Variants in PTPA observed in about 807,000 individuals in gnomAD.
PTPA encodes the protein protein phosphatase 2 phosphatase activator.
Under a neutral mutation model 43.6 loss-of-function variants are expected in PTPA, and 13 were observed. The observed-to-expected ratio is 0.30, with a 90% CI of 0.19 to 0.47. PTPA has a LOEUF of 0.47. Among genes scored for constraint, PTPA ranks in the 20% least tolerant of loss-of-function variants. PTPA has a pLI of 0.99. For missense variants in PTPA, 329 were observed against 411.9 expected (o/e 0.80, Z 1.74); for synonymous variants, 172 against 158.2 (o/e 1.09, Z -0.66).
chr9:129,111,372 C>T, upstream of PTPA: 2 of 1,223,334 alleles, frequency 1.6e-6, no homozygotes, highest in Non-Finnish European at 2.0e-6. Context: ...CGCGCGTCCG[C>T]CGCGCGCCGG....
intron 3 of PTPA, among the ~76,000 whole-genome samples, chr9:129,125,975 C>T (rs896815002): frequency 5.9e-5 from 9 of 151,810 alleles, no homozygotes; most frequent in Admixed American, 2.0e-4. Flanking sequence ...GGTGGAACCC[C>T]GTCTCTACTA....
At chr9:129,137,528 G>A (rs1376317291) in intron 7 of PTPA, 64 bp from the exon 8 acceptor site, 9 of 1,362,488 alleles carry the variant, frequency 6.6e-6, no homozygotes, top group Non-Finnish European at 8.2e-6. Context: ...GTGACTGCTG[G>A]GCCGGGTTGC....
intron 3 of PTPA, among the ~76,000 whole-genome samples, chr9:129,126,827 C>T (rs1044161149): frequency 4.6e-5 from 7 of 152,164 alleles, no homozygotes; most frequent in African/African-American, 1.7e-4. Flanking sequence ...AAGCCCTCTC[C>T]TGAAGAGGAG....
chr9:129,123,875 G>C (rs1044751169), intron 3 of PTPA, among the ~76,000 whole-genome samples: 1 of 151,954 alleles, frequency 6.6e-6, no homozygotes, highest in South Asian at 2.1e-4. Context: ...TAGAGACGGG[G>C]TTTCTCCATG....
intron 7 of PTPA, among the ~76,000 whole-genome samples, chr9:129,137,364 G>A (rs1380580511): frequency 2.0e-5 from 3 of 152,246 alleles, no homozygotes; most frequent in Non-Finnish European, 2.9e-5. Context: ...GTGTCCAGGT[G>A]AGGAAACTGA....
chr9:129,126,086 T>A (rs1319332087), intron 3 of PTPA, among the ~76,000 whole-genome samples: 1 of 148,434 alleles, frequency 6.7e-6, no homozygotes, highest in Non-Finnish European at 1.5e-5. Flanking sequence ...GAGGCGGAGG[T>A]TGCAGTGAGC....
chr9:129,143,917 C>T (rs1851096332), intron 9 of PTPA, among the ~76,000 whole-genome samples: 1 of 151,882 alleles, frequency 6.6e-6, no homozygotes, highest in Non-Finnish European at 1.5e-5. Context: ...TGTGCCCCGC[C>T]TCCAGGGTGT....
chr9:129,135,754 T>G (rs1439334430), intron 6 of PTPA, among the ~76,000 whole-genome samples: 1 of 152,222 alleles, frequency 6.6e-6, no homozygotes, highest in African/African-American at 2.4e-5. Flanking sequence ...CCAGGAGCAG[T>G]GCTCGATGCT....
At chr9:129,143,434 C>T (rs1285136932) in intron 9 of PTPA, 1 of 703,034 alleles carries the variant, frequency 1.4e-6, no homozygotes, top group Non-Finnish European at 2.6e-6. Flanking sequence ...CATCTCTTGA[C>T]TCCTGGCCGG....
intron 8 of PTPA, among the ~76,000 whole-genome samples, chr9:129,138,658 ATGCTGGCCACGGGGGC>A (rs1850545991): frequency 6.6e-6 from 1 of 152,144 alleles, no homozygotes; most frequent in South Asian, 2.1e-4. Context: ...AGGCCTGTGG[ATGCTGGCCACGGGGGC>A]TGCTCTCCGT....
chr9:129,128,112 G>A (rs1209072161), intron 3 of PTPA: 1 of 1,252,574 alleles, frequency 8.0e-7, no homozygotes, highest in Admixed American at 2.3e-5. Context: ...AAACTGAGAG[G>A]CTCAGAGTTA....
intron 9 of PTPA, 132 bp from the exon 10 acceptor site, chr9:129,147,255 G>T (rs1851366118): frequency 5.1e-6 from 4 of 783,740 alleles, no homozygotes; most frequent in Non-Finnish European, 8.5e-6. Flanking sequence ...GGGGAGGAAG[G>T]CCTGGGGGAT....
chr9:129,143,535 T>C (rs913272), intron 9 of PTPA: 681,995 of 682,930 alleles, frequency 1, 340,540 homozygotes, highest in Middle Eastern at 1. Context: ...CGGGGAAGGG[T>C]GCCAGAGGCC....
chr9:129,126,678 A>C (rs1849602635), intron 3 of PTPA, among the ~76,000 whole-genome samples: 1 of 152,192 alleles, frequency 6.6e-6, no homozygotes, highest in East Asian at 1.9e-4. Context: ...AAATCCAAAA[A>C]GGAAACACTG....
chr9:129,121,052 G>C (rs1181965088), intron 2 of PTPA, among the ~76,000 whole-genome samples: 1 of 152,224 alleles, frequency 6.6e-6, no homozygotes, highest in Non-Finnish European at 1.5e-5. Context: ...TGGGAGCTGG[G>C]ACCCAGAGCA....
chr9:129,115,791 C>T (rs1018883053), intron 1 of PTPA, among the ~76,000 whole-genome samples: 1 of 149,770 alleles, frequency 6.7e-6, no homozygotes. Flanking sequence ...AGGTGCCCAC[C>T]ACCACGCCTG....
At chr9:129,128,906 G>C in intron 3 of PTPA, 79 bp from the exon 4 acceptor site, 1 of 1,568,218 alleles carries the variant, frequency 6.4e-7, no homozygotes, top group Non-Finnish European at 8.7e-7. Context: ...GTCATTGTCT[G>C]GCAGCAGTGG....
At position 129,148,142 on chromosome 9, in the gene PTPA, G is replaced by C. The variant is rs1851418720; in HGVS notation, c.*678G>C. On this transcript the variant is annotated 3_prime_UTR_variant, in exon 10 of 10. Coordinates refer to ENST00000393370, the MANE Select transcript of PTPA (RefSeq NM_178000.3). Reference sequence around the variant, plus strand: ...GTTCTCTAGCCCTTGGCTCTGCTGGGTTTCCTGACTGTAGCCACATCTCTC... The same window carrying C: ...GTTCTCTAGCCCTTGGCTCTGCTGGCTTTCCTGACTGTAGCCACATCTCTC... The C allele has an allele frequency of 6.5e-6, 1 of 152,730 alleles. No individual in the cohort carries two copies. Among genetic ancestry groups the C allele is most frequent in the Non-Finnish European group, 1.5e-5 (1 of 68,494 alleles). 9.5% of individuals were successfully genotyped at this position (152,730 alleles called of 1,614,324 possible). A position where few individuals can be genotyped will look rare whatever the true frequency, so the allele number is the denominator to read the frequency against.
chr9:129,142,338 T>TG (rs1564202369), intron 8 of PTPA, 107 bp from the exon 9 acceptor site: 33 of 794,694 alleles, frequency 4.2e-5, no homozygotes, highest in Non-Finnish European at 4.7e-5. Context: ...GCGTGTGCGT[T>TG]TGTGTGTGTG....
Sources: gnomAD v4.1 joint callset for allele counts (sites outside exome capture counted in the v4.1 genomes callset) on GRCh38, gnomAD v4.1.1 for gene constraint, MANE v1.5 for transcripts, NCBI Gene and HGNC (gene_info 2026-07-23, HGNC 2026-07-21) for gene names.